Variants in CLCA4 observed in about 807,000 individuals in gnomAD.
CLCA4 encodes calcium-activated chloride channel regulator 4.
Under a neutral mutation model 78.9 loss-of-function variants are expected in CLCA4, and 69 were observed. The observed-to-expected ratio is 0.87, with a 90% CI of 0.72 to 1.07. The LOEUF (loss-of-function observed/expected upper bound fraction) is 1.07, where lower values mean the gene tolerates loss of function less well. CLCA4 is among the 50% of genes least tolerant of loss of function. CLCA4 has a pLI of 0.00. For synonymous variants in CLCA4, 362 were observed against 375.8 expected, an observed-to-expected ratio of 0.96 and a Z score of 0.42; for missense variants, 1,133 against 1,095.8, an observed-to-expected ratio of 1.03 and a Z score of -0.48.
chr1:86,556,798 G>A (rs997668690), intron 1 of CLCA4, among the ~76,000 whole-genome samples: 4 of 152,156 alleles, frequency 2.6e-5, no homozygotes, highest in African/African-American at 7.2e-5. Context: ...GAATTTGGCT[G>A]TGAATCCATA....
chr1:86,562,711 G>A (rs567490725), intron 3 of CLCA4, among the ~76,000 whole-genome samples: 5 of 151,960 alleles, frequency 3.3e-5, no homozygotes, highest in African/African-American at 9.6e-5. Flanking sequence ...AAAATTAGCC[G>A]AGCATAGTGG....
intron 1 of CLCA4, among the ~76,000 whole-genome samples, chr1:86,553,949 G>A (rs796969910): frequency 3.6e-4 from 54 of 152,112 alleles, no homozygotes; most frequent in African/African-American, 1.2e-3. Flanking sequence ...AAAAAAGTTT[G>A]TGTGTCAATG....
At chr1:86,561,630 C>A (rs1650021478) in intron 3 of CLCA4, among the ~76,000 whole-genome samples, 1 of 152,106 alleles carries the variant, frequency 6.6e-6, no homozygotes, top group Non-Finnish European at 1.5e-5. Flanking sequence ...CAATTAATGT[C>A]CTGATTGATA....
chr1:86,563,758 C>T lies in CLCA4; in HGVS notation c.546C>T (p.Ile182=), dbSNP rs370625612. ...TCTACCGTGCTAAGTCAAAAAAAAT[C>T]GAAGCAACAAGGCATGGCTATTTAA... is the stretch of plus-strand genomic sequence containing the variant. ...QPFYRAKSKK[I]EATRCSAGIS... is the part of the protein sequence containing the mutation. Residue 182 remains isoleucine, a synonymous_variant, in exon 4 of 14, where the codon ATC becomes ATT. Transcript: ENST00000370563. The T allele has an allele frequency of 1.1e-4, 181 of 1,593,974 alleles. 2 individuals carry two copies. Among genetic ancestry groups the T allele is most frequent in the Middle Eastern group, 1.7e-4 (1 of 6,038 alleles).
intron 9 of CLCA4, chr1:86,573,002 A>G (rs2101814497): frequency 2.9e-6 from 1 of 349,054 alleles, no homozygotes. Flanking sequence ...TTTTTCACCA[A>G]AAATGGACCT....
chr1:86,570,347 C>A (rs1650313052), intron 7 of CLCA4, among the ~76,000 whole-genome samples: 1 of 151,974 alleles, frequency 6.6e-6, no homozygotes, highest in South Asian at 2.1e-4. Flanking sequence ...ATGTTGTCAT[C>A]CTGGGCTAAC....
chr1:86,562,030 A>T (rs1650037473), intron 3 of CLCA4, among the ~76,000 whole-genome samples: 2 of 152,172 alleles, frequency 1.3e-5, no homozygotes, highest in Non-Finnish European at 2.9e-5. Context: ...TAGGCAAGCA[A>T]TGCAGTATGG....
At position 86,574,434 on chromosome 1, in the gene CLCA4, C is replaced by A. The variant is rs562254933; in HGVS notation, c.1468-106C>A. On this transcript the variant is annotated intron_variant, in intron 9 of 13. Transcript: ENST00000370563. Reference sequence around the variant, plus strand: ...AGAGAGATCACAAGTCTAAGGTGGTCTGCCATTTATAAGCTTGTTCTCAGG... The same window carrying A: ...AGAGAGATCACAAGTCTAAGGTGGTATGCCATTTATAAGCTTGTTCTCAGG... The A allele has an allele frequency of 6.2e-6, 5 of 803,954 alleles. 1 individual carries two copies. In the South Asian group the frequency reaches 8.5e-5, roughly 14 times the overall value. 49.8% of individuals were successfully genotyped at this position (803,954 alleles called of 1,614,324 possible). A position where few individuals can be genotyped will look rare whatever the true frequency, so the allele number is the denominator to read the frequency against.
At chr1:86,570,936 A>G (rs1399465571) in intron 7 of CLCA4, 141 bp from the exon 8 acceptor site, 1 of 543,908 alleles carries the variant, frequency 1.8e-6, no homozygotes, top group Non-Finnish European at 3.1e-6. Flanking sequence ...TTGATTGAAA[A>G]TTCTTTATTT....
intron 1 of CLCA4, among the ~76,000 whole-genome samples, chr1:86,557,751 C>T (rs1255870593): frequency 6.6e-6 from 1 of 152,110 alleles, no homozygotes; most frequent in Non-Finnish European, 1.5e-5. Context: ...ATGTTGAGTT[C>T]AGGTCCTGAA....
At chr1:86,558,244 C>G (rs1649907845) in intron 1 of CLCA4, among the ~76,000 whole-genome samples, 1 of 152,012 alleles carries the variant, frequency 6.6e-6, no homozygotes, top group South Asian at 2.1e-4. Context: ...GTTTTGTTGG[C>G]TAGATATTAT....
chr1:86,563,861 G>T, intron 4 of CLCA4, 92 bp downstream of exon 4: 1 of 629,416 alleles, frequency 1.6e-6, no homozygotes, highest in Non-Finnish European at 2.7e-6. Context: ...TCTTAATGCA[G>T]ACAATATGTC....
At chr1:86,548,221 T>C (rs1649554601) in intron 1 of CLCA4, among the ~76,000 whole-genome samples, 2 of 152,186 alleles carry the variant, frequency 1.3e-5, no homozygotes, top group African/African-American at 4.8e-5. Flanking sequence ...TTCATATACT[T>C]GTTGGACATT....
At position 86,574,732 on chromosome 1, in the gene CLCA4, C is replaced by T; in HGVS notation, c.1660C>T (p.Leu554Phe). Residue 554 changes from leucine to phenylalanine, a missense_variant, in exon 10 of 14, where the codon CTC becomes TTC. Leu to Phe is a conservative substitution (Grantham distance 22). Transcript: ENST00000370563. ...GGATGCAACTTCCAAAATGGCCTAT[C>T]TCAGTATTCCAGGAACTGCAAAGGT... ...TVDATSKMAY[L>F]SIPGTAKVGT... 1 of 1,612,926 alleles carries T rather than the reference C, an allele frequency of 6.2e-7. No homozygotes were observed. The highest frequency in any genetic ancestry group is 8.5e-7 in the Non-Finnish European group (1 of 1,179,240).
intron 1 of CLCA4, among the ~76,000 whole-genome samples, chr1:86,547,867 A>G (rs556939297): frequency 4.0e-4 from 61 of 152,264 alleles, no homozygotes; most frequent in African/African-American, 1.4e-3. Context: ...TCATCTCTTG[A>G]TGGACACTTA....
rs1558197618 is a variant in CLCA4 at position 86,574,755 on chromosome 1, G to T, written c.1683G>T (p.Lys561Asn). Residue 561 changes from lysine (K) to asparagine (N), a missense_variant and splice_region_variant, in exon 10 of 14, where the codon AAG (lysine) becomes AAT (asparagine). By Grantham distance (94) the Lys-to-Asn change is moderately conservative (BLOSUM62 0). Transcript: ENST00000370563. ...MAYLSIPGTAKVGTWAYNLQA... is the reference protein window; with the variant it reads ...MAYLSIPGTANVGTWAYNLQA... Reference sequence around the variant, plus strand: ...ATCTCAGTATTCCAGGAACTGCAAAGGTAAGCAATCAGCTTTTAGACTTCC... The same window carrying T: ...ATCTCAGTATTCCAGGAACTGCAAATGTAAGCAATCAGCTTTTAGACTTCC... The T allele has an allele frequency of 2.5e-6, 4 of 1,607,828 alleles. No individual in the cohort carries two copies. The African/African-American group carries it at 4.0e-5, about 16-fold the overall frequency.
At chr1:86,549,301 C>A (rs1035387457) in intron 1 of CLCA4, among the ~76,000 whole-genome samples, 7 of 152,094 alleles carry the variant, frequency 4.6e-5, no homozygotes, top group Admixed American at 4.6e-4. Context: ...GGTGAGAATT[C>A]GTTTGATGTA....
chr1:86,562,402 A>C (rs1033375253), intron 3 of CLCA4, among the ~76,000 whole-genome samples: 2 of 152,198 alleles, frequency 1.3e-5, no homozygotes, highest in Non-Finnish European at 2.9e-5. Context: ...GTGTTTTTAA[A>C]GTGCATTATG....
intron 8 of CLCA4, among the ~76,000 whole-genome samples, chr1:86,571,993 T>G (rs1650362945): frequency 6.6e-6 from 1 of 152,084 alleles, no homozygotes; most frequent in Non-Finnish European, 1.5e-5. Flanking sequence ...TCACATCATT[T>G]CAAAGTCCTT....
Sources: allele counts gnomAD v4.1 joint callset (sites outside exome capture counted in the v4.1 genomes callset), GRCh38; gene constraint gnomAD v4.1.1; transcripts MANE v1.5; gene names NCBI Gene and HGNC (gene_info 2026-07-23, HGNC 2026-07-21).